The following MSN variants were observed in gnomAD, a reference collection of about 807,000 sequenced individuals.
MSN encodes epididymis luminal protein 70.
In MSN, 2 loss-of-function variants were observed where a neutral mutation model predicts 48.0. The ratio of observed to expected loss-of-function variants is 0.04; its 90% confidence interval spans 0.02 to 0.13. MSN has a LOEUF of 0.13. MSN is among the 10% of genes least tolerant of loss of function. MSN has a pLI of 1.00. For missense variants in MSN, 267 were observed against 470.1 expected (o/e 0.57, Z 3.99); for synonymous variants, 146 against 166.9 (o/e 0.87, Z 0.97).
At chrX:65,728,146 C>T (rs1440167915) in intron 3 of MSN, among the ~76,000 whole-genome samples, 1 of 112,004 alleles carries the variant, frequency 8.9e-6, no homozygotes. Context: ...GAAGAAGAGA[C>T]TCTTTTCTTT....
At chrX:65,606,301 G>T (rs1343177198) in intron 1 of MSN, among the ~76,000 whole-genome samples, 1 of 108,699 alleles carries the variant, frequency 9.2e-6, no homozygotes, top group African/African-American at 3.4e-5. Context: ...GCTAATTTTT[G>T]GATTTTTAGT....
intron 4 of MSN, 127 bp from the exon 5 acceptor site, chrX:65,730,980 G>A: frequency 2.1e-6 from 1 of 471,348 alleles, no homozygotes. Flanking sequence ...TCTGCTTCCA[G>A]TGTGACCTCA....
At chrX:65,602,935 T>C (rs1282646981) in intron 1 of MSN, among the ~76,000 whole-genome samples, 1 of 111,060 alleles carries the variant, frequency 9.0e-6, no homozygotes, top group Non-Finnish European at 1.9e-5. Flanking sequence ...AGAGACCATA[T>C]AGAGGAGTCT....
At chrX:65,591,174 G>C (rs778347781) in intron 1 of MSN, among the ~76,000 whole-genome samples, 1 of 111,764 alleles carries the variant, frequency 8.9e-6, no homozygotes, top group South Asian at 3.7e-4. Flanking sequence ...TTCCTGGAAA[G>C]AGGTGTGTGC....
intron 1 of MSN, chrX:65,625,567 C>T (rs2070496960): frequency 8.9e-6 from 1 of 111,973 alleles, no homozygotes; most frequent in Admixed American, 9.5e-5. Context: ...TTGTTTGATA[C>T]ATATATTGCC....
intron 1 of MSN, among the ~76,000 whole-genome samples, chrX:65,702,007 C>CT (rs370395222): frequency 0.025 from 2,359 of 93,699 alleles, 82 homozygotes; most frequent in African/African-American, 0.071. Context: ...ATTCAATTGG[C>CT]TTTTTTTTTT....
intron 1 of MSN, among the ~76,000 whole-genome samples, chrX:65,647,447 G>A (rs777359033): frequency 6.2e-5 from 7 of 112,042 alleles, no homozygotes; most frequent in African/African-American, 9.7e-5. Context: ...TCCTGACCTC[G>A]TGATCCGCCC....
intron 1 of MSN, among the ~76,000 whole-genome samples, chrX:65,687,752 G>A (rs754876466): frequency 1.5e-3 from 172 of 111,747 alleles, no homozygotes; most frequent in Non-Finnish European, 2.6e-3. Flanking sequence ...TTCAAAGATC[G>A]GAGGTTGAGA....
intron 1 of MSN, among the ~76,000 whole-genome samples, chrX:65,670,899 TATATATATATATATATATA>T (rs2070928835): frequency 1.7e-3 from 1 of 584 alleles, no homozygotes; most frequent in South Asian, 0.036. Flanking sequence ...ATGACAGTTA[TATATATATATATATATATA>T]TATATATATA....
intron 1 of MSN, chrX:65,588,725 T>G: frequency 1.9e-6 from 1 of 537,534 alleles, no homozygotes; most frequent in Non-Finnish European, 2.3e-6. Flanking sequence ...AGGCAAACTC[T>G]TCTCAGGGGG....
chrX:65,674,477 G>A (rs2070976257), intron 1 of MSN, among the ~76,000 whole-genome samples: 1 of 110,987 alleles, frequency 9.0e-6, no homozygotes, highest in African/African-American at 3.3e-5. Flanking sequence ...CCCTAAAATG[G>A]TTTTGCTATA....
At chrX:65,657,865 A>G (rs1452412067) in intron 1 of MSN, among the ~76,000 whole-genome samples, 2 of 111,784 alleles carry the variant, frequency 1.8e-5, no homozygotes, top group African/African-American at 3.3e-5. Flanking sequence ...GTCTGACACT[A>G]CCTGGGCCCA....
intron 1 of MSN, among the ~76,000 whole-genome samples, chrX:65,636,677 G>A (rs752897713): frequency 7.0e-5 from 7 of 99,661 alleles, no homozygotes; most frequent in African/African-American, 2.7e-4. Flanking sequence ...AACCCAGGAG[G>A]CGGAAGCTGT....
intron 1 of MSN, among the ~76,000 whole-genome samples, chrX:65,680,316 G>A (rs916281220): frequency 9.0e-6 from 1 of 111,441 alleles, no homozygotes. Flanking sequence ...GTTTTTGGTG[G>A]TGCAATCATA....
chrX:65,651,443 C>T (rs2070741071), intron 1 of MSN, among the ~76,000 whole-genome samples: 1 of 108,749 alleles, frequency 9.2e-6, no homozygotes, highest in Admixed American at 1.0e-4. Flanking sequence ...AGATAAAATA[C>T]ATTATTTCAA....
chrX:65,595,273 C>T (rs1035474381), intron 1 of MSN, among the ~76,000 whole-genome samples: 1 of 112,151 alleles, frequency 8.9e-6, no homozygotes, highest in Admixed American at 9.5e-5. Flanking sequence ...CTAACTTGTT[C>T]CCATACCCAC....
chrX:65,681,022 A>T (rs2071049975), intron 1 of MSN, among the ~76,000 whole-genome samples: 2 of 110,931 alleles, frequency 1.8e-5, no homozygotes, highest in African/African-American at 6.6e-5. Context: ...AAGTGCTGGG[A>T]TTACAGGTAT....
At chrX:65,621,078 G>T (rs2070439307) in intron 1 of MSN, among the ~76,000 whole-genome samples, 1 of 109,579 alleles carries the variant, frequency 9.1e-6, no homozygotes. Flanking sequence ...ACCACGCCTG[G>T]CTAATTTTTT....
chrX:65,674,829 T>C (rs1404168263), intron 1 of MSN, among the ~76,000 whole-genome samples: 1 of 111,111 alleles, frequency 9.0e-6, no homozygotes, highest in Non-Finnish European at 1.9e-5. Flanking sequence ...AAGCATAGAG[T>C]AGTGTTGAAA....
Sources: allele counts gnomAD v4.1 joint callset (sites outside exome capture counted in the v4.1 genomes callset), GRCh38; gene constraint gnomAD v4.1.1; transcripts MANE v1.5; gene names NCBI Gene and HGNC (gene_info 2026-07-23, HGNC 2026-07-21).